The following SYT9 variants were observed in gnomAD, a reference collection of about 807,000 sequenced individuals.
SYT9 encodes synaptotagmin 9, also known as synaptotagmin-9.
A neutral mutation model predicts 48.4 loss-of-function variants in SYT9; 22 were observed. The observed-to-expected ratio is 0.45, with a 90% CI of 0.32 to 0.65. The LOEUF is 0.65. Ranked by LOEUF, SYT9 falls within the 30% of genes least tolerant of loss-of-function variation. The pLI, the probability that SYT9 is intolerant of heterozygous loss-of-function variation, is 0.03. For synonymous variants in SYT9, 265 were observed against 245.0 expected (o/e 1.08, Z -0.76); for missense variants, 577 against 622.0 (o/e 0.93, Z 0.77).
rs751772448 is a variant in SYT9, at chr11:7,303,388, C to T, written c.495C>T (p.Ala165=). Residue 165 remains alanine (A), a splice_region_variant and synonymous_variant, in exon 2 of 7, where the codon GCC becomes GCT. Transcript: ENST00000318881. The part of the protein sequence containing the change: ...QRQVTEPTSS[A]RHNSIRRQLN... ...AAGTCACAGAGCCAACCTCGTCGGC[C>T]CGGTCAGTAATGCCTTCTCCTTTCT... is the stretch of plus-strand genomic sequence containing the variant. The T allele has an allele frequency of 3.1e-6, 5 of 1,603,452 alleles. No individual in the cohort carries two copies. The highest frequency in any genetic ancestry group is 1.3e-5 in the African/African-American group (1 of 74,790).
intron 3 of SYT9, among the ~76,000 whole-genome samples, chr11:7,368,382 A>T (rs550230868): frequency 1.1e-4 from 16 of 152,090 alleles, no homozygotes; most frequent in Non-Finnish European, 2.2e-4. Context: ...AAGTTCTGGG[A>T]TACATGTGCA....
intron 2 of SYT9, among the ~76,000 whole-genome samples, chr11:7,303,734 A>G (rs1216444114): frequency 1.3e-5 from 2 of 152,216 alleles, no homozygotes; most frequent in East Asian, 1.9e-4. Flanking sequence ...ATTTTTTAAA[A>G]AGCTGTATAT....
At chr11:7,399,638 A>G (rs1385127153) in intron 3 of SYT9, among the ~76,000 whole-genome samples, 1 of 152,236 alleles carries the variant, frequency 6.6e-6, no homozygotes, top group Non-Finnish European at 1.5e-5. Context: ...AGTTGTTGAC[A>G]CATCACTGTT....
chr11:7,261,459 C>T (rs749677597), intron 1 of SYT9, among the ~76,000 whole-genome samples: 8 of 151,976 alleles, frequency 5.3e-5, no homozygotes, highest in African/African-American at 1.9e-4. Context: ...GATACCTAGA[C>T]ACAGTATTGT....
chr11:7,389,573 A>G (rs1292754885), intron 3 of SYT9, among the ~76,000 whole-genome samples: 1 of 152,182 alleles, frequency 6.6e-6, no homozygotes, highest in East Asian at 1.9e-4. Flanking sequence ...ATTAATTTAT[A>G]TTGTAGGACA....
intron 5 of SYT9, 83 bp from the exon 6 acceptor site, chr11:7,420,423 A>G (rs1847329969): frequency 4.0e-6 from 6 of 1,488,360 alleles, no homozygotes; most frequent in African/African-American, 1.4e-5. Flanking sequence ...CACATCCCCA[A>G]TTCCTTCATC....
intron 1 of SYT9, among the ~76,000 whole-genome samples, chr11:7,269,214 T>TG (rs976525618): frequency 2.6e-4 from 40 of 151,584 alleles, no homozygotes; most frequent in South Asian, 6.3e-4. Flanking sequence ...TCAAATCAGT[T>TG]GGGGGGGTGG....
chr11:7,323,256 A>G (rs147427043), intron 3 of SYT9, among the ~76,000 whole-genome samples: 10 of 152,202 alleles, frequency 6.6e-5, no homozygotes, highest in African/African-American at 2.4e-4. Flanking sequence ...AAGAAGTTTG[A>G]CCACTTACAA....
At chr11:7,243,069 T>TAA (rs202188440) in intron 1 of SYT9, among the ~76,000 whole-genome samples, 18,464 of 151,766 alleles carry the variant, frequency 0.12, 1,222 homozygotes, top group Admixed American at 0.17. Context: ...AATAAATAAA[T>TAA]ATAAAGTATT....
intron 1 of SYT9, among the ~76,000 whole-genome samples, chr11:7,273,051 T>C (rs115013575): frequency 0.018 from 2,705 of 152,278 alleles, 69 homozygotes; most frequent in African/African-American, 0.062. Context: ...AATAGTTATC[T>C]ATCTTATGAT....
intron 3 of SYT9, among the ~76,000 whole-genome samples, chr11:7,382,936 A>G (rs1038408050): frequency 3.9e-5 from 6 of 152,194 alleles, no homozygotes; most frequent in African/African-American, 1.4e-4. Flanking sequence ...GTCATCCTCC[A>G]GGCACACTTC....
intron 3 of SYT9, among the ~76,000 whole-genome samples, chr11:7,324,158 A>G (rs879745502): frequency 1.2e-4 from 18 of 151,904 alleles, no homozygotes; most frequent in Non-Finnish European, 2.5e-4. Flanking sequence ...TTGGTGATTT[A>G]GATTTTTCTA....
intron 3 of SYT9, among the ~76,000 whole-genome samples, chr11:7,370,288 C>G (rs1010320664): frequency 3.3e-5 from 5 of 152,162 alleles, no homozygotes; most frequent in Non-Finnish European, 4.4e-5. Context: ...AAACAAGTCA[C>G]TTCTAGCAGT....
intron 3 of SYT9, among the ~76,000 whole-genome samples, chr11:7,349,536 A>G (rs6578850): frequency 1 from 152,142 of 152,190 alleles, 76,047 homozygotes; most frequent in Non-Finnish European, 1. Context: ...TCATGTTCCT[A>G]CAGGGGCCAC....
chr11:7,332,004 AG>A (rs746048601), intron 3 of SYT9, among the ~76,000 whole-genome samples: 4 of 152,244 alleles, frequency 2.6e-5, no homozygotes, highest in Non-Finnish European at 5.9e-5. Context: ...AAACTAAAAT[AG>A]CTCCAATATG....
intron 6 of SYT9, among the ~76,000 whole-genome samples, chr11:7,427,080 G>A (rs1314772963): frequency 4.2e-5 from 6 of 142,056 alleles, no homozygotes; most frequent in Non-Finnish European, 6.0e-5. Flanking sequence ...TATTGAGTTA[G>A]CATTTGGTGA....
chr11:7,387,050 A>C (rs1850674852), intron 3 of SYT9, among the ~76,000 whole-genome samples: 1 of 152,172 alleles, frequency 6.6e-6, no homozygotes, highest in Non-Finnish European at 1.5e-5. Context: ...TCGCAAGGAC[A>C]AAAAACCAAA....
chr11:7,253,746 T>C (rs1552464), intron 1 of SYT9, among the ~76,000 whole-genome samples: 149,626 of 152,322 alleles, frequency 0.98, 73,550 homozygotes, highest in Middle Eastern at 1. Flanking sequence ...CCTATGTGCA[T>C]CTCATTGCTG....
intron 3 of SYT9, among the ~76,000 whole-genome samples, chr11:7,415,678 T>C (rs1261848615): frequency 6.6e-6 from 1 of 152,074 alleles, no homozygotes; most frequent in Non-Finnish European, 1.5e-5. Context: ...TGGAGCCACA[T>C]AGGGGAGTCT....
Sources: allele counts gnomAD v4.1 joint callset (sites outside exome capture counted in the v4.1 genomes callset), GRCh38; gene constraint gnomAD v4.1.1; transcripts MANE v1.5; gene names NCBI Gene and HGNC (gene_info 2026-07-23, HGNC 2026-07-21).